IGF2R: variants seen among roughly 807,000 people sequenced by gnomAD.
IGF2R encodes cation-independent mannose-6-phosphate receptor.
Under a neutral mutation model 270.6 loss-of-function variants are expected in IGF2R, and 91 were observed. The ratio of observed to expected loss-of-function variants is 0.34; its 90% CI spans 0.28 to 0.40. IGF2R has a LOEUF of 0.40. IGF2R is among the 10% of genes least tolerant of loss of function. The probability of loss-of-function intolerance (pLI) is 1.00; values close to 1 mark genes in which losing one functional copy is unlikely to be tolerated. For missense variants in IGF2R, 2,805 were observed against 3,188.3 expected, an observed-to-expected ratio of 0.88 and a Z score of 2.90; for synonymous variants, 1,316 against 1,258.9, an observed-to-expected ratio of 1.05 and a Z score of -0.96.
At chr6:159,975,680 A>ATATATT (rs1313221329) in intron 1 of IGF2R, among the ~76,000 whole-genome samples, 22 of 128,692 alleles carry the variant, frequency 1.7e-4, no homozygotes, top group African/African-American at 6.9e-4. Flanking sequence ...TGTATTATAT[A>ATATATT]TATTTATATA....
Position 160,102,399 on chromosome 6 carries a change from G to A in IGF2R, c.6843-120G>A. 9.0e-7 allele frequency: 1 copy of A among 1,107,796 alleles called. No homozygotes were observed. The highest frequency in any genetic ancestry group is 1.5e-5 in the South Asian group (1 of 67,390). 68.6% of individuals were successfully genotyped at this position (1,107,796 alleles called of 1,614,324 possible). A position where few individuals can be genotyped will look rare whatever the true frequency, so the allele number is the denominator to read the frequency against. ...GGCCTTGTTTTCTGGGCAGGAGTAA[G>A]AATCACATGGTGTTGGGAAAGTCAG... On this transcript the variant is annotated intron_variant, in intron 45 of 47. Transcript: ENST00000356956. This position sits in a 1 kb window ranked among gnomAD's most constrained non-coding sequence, Gnocchi z 4.5.
chr6:160,094,394 A>C, intron 44 of IGF2R: 1 of 214,472 alleles, frequency 4.7e-6, no homozygotes, highest in Non-Finnish European at 9.4e-6. Flanking sequence ...GTCTGCCAGC[A>C]TGCTTCTCCA....
In IGF2R at chr6:160,047,294, T is replaced by C. The variant is rs1015172793; in HGVS notation, c.2187T>C (p.Phe729=). 3 of 1,609,910 alleles carry C rather than the reference T, an allele frequency of 1.9e-6. No individual in the cohort carries two copies. Among genetic ancestry groups the C allele is most frequent in the South Asian group, 1.1e-5 (1 of 90,862 alleles). The change falls in exon 16 of 48, where the codon TTT becomes TTC. Residue 729 remains phenylalanine, a synonymous_variant. Coordinates refer to ENST00000356956, the MANE Select transcript of IGF2R (RefSeq NM_000876.4). ...CACCGAGAGCTACGCTCATCACCTT[T>C]CTCTGTGATCGAGACGCGGGAGTGG... ...RHTPRATLIT[F]LCDRDAGVGF...
intron 44 of IGF2R, chr6:160,095,598 A>G (rs1377852642): frequency 6.6e-6 from 1 of 152,242 alleles, no homozygotes; most frequent in African/African-American, 2.4e-5. Context: ...CTCCTTGTGT[A>G]GACCACTGCT....
chr6:160,103,880 G>C, intron 47 of IGF2R, 65 bp downstream of exon 47: 1 of 1,118,602 alleles, frequency 8.9e-7, no homozygotes, highest in Non-Finnish European at 1.4e-6. Flanking sequence ...CGCTGTCCAT[G>C]TCGTTCTCAT....
intron 21 of IGF2R, 93 bp from the exon 22 acceptor site, chr6:160,058,813 A>T: frequency 9.2e-7 from 1 of 1,091,864 alleles, no homozygotes; most frequent in Non-Finnish European, 1.3e-6. Flanking sequence ...AGAAATGTTT[A>T]ACCTAGTGGG....
Position 160,047,244 on chromosome 6 carries a change from A to G in IGF2R, c.2137A>G (p.Thr713Ala), listed in dbSNP as rs547601296. 6.2e-7 allele frequency: 1 copy of G among 1,614,002 alleles called. No homozygotes were observed. Among genetic ancestry groups the G allele is most frequent in the Admixed American group, 1.7e-5 (1 of 60,028 alleles). Residue 713 changes from threonine (T) to alanine (A), a missense_variant, in exon 16 of 48, where the codon ACA becomes GCA. By Grantham distance (58) the Thr-to-Ala change is moderately conservative. Around this residue, in one of 2 missense-constraint regions of IGF2R, gnomAD observed 954 missense variants for 981.1 expected, o/e 0.97. Transcript: ENST00000356956. The part of the protein sequence containing the change: ...GMIQLNYRGG[T>A]PYNNERHTPR... ...GATCCAACTGAACTACAGAGGCGGC[A>G]CACCCTATAACAATGAAAGACACAC...
chr6:160,024,402 G>A (rs1777507694), intron 4 of IGF2R, among the ~76,000 whole-genome samples, 170 bp from the exon 5 acceptor site: 1 of 152,170 alleles, frequency 6.6e-6, no homozygotes, highest in South Asian at 2.1e-4. Context: ...CGAAAAGAAC[G>A]CAGAGGAGCC....
At chr6:160,011,214 T>C (rs1784328130) in intron 4 of IGF2R, among the ~76,000 whole-genome samples, 1 of 152,218 alleles carries the variant, frequency 6.6e-6, no homozygotes. Context: ...TAAGTCTCCT[T>C]TACCTGTTTG....
At position 160,084,128 on chromosome 6, in the gene IGF2R, C is replaced by T. The variant is rs147800896; in HGVS notation, c.6012C>T (p.Asp2004=). ...TCGTCCAGAAACACAAAACCTACGACCTGCGGCTGCTCTCCTCTCTCACCG... is the reference window on the plus strand; with the variant it reads ...TCGTCCAGAAACACAAAACCTACGATCTGCGGCTGCTCTCCTCTCTCACCG... ...CKFVQKHKTY[D]LRLLSSLTGS... The change falls in exon 40 of 48, where the codon GAC becomes GAT. Residue 2004 remains aspartate, a synonymous_variant. Transcript: ENST00000356956. This position sits in a 1 kb window ranked among gnomAD's most constrained non-coding sequence, Gnocchi z 4.6. The T allele has an allele frequency of 7.0e-4, 1,133 of 1,614,172 alleles. 8 individuals are homozygous for T. The African/African-American group carries it at 0.013, about 19-fold the overall frequency.
At position 160,084,854 on chromosome 6, in the gene IGF2R, A is replaced by G. The variant is rs1369412176; in HGVS notation, c.6069-141A>G. On this transcript the variant is annotated intron_variant, in intron 40 of 47. Coordinates refer to ENST00000356956, the MANE Select transcript of IGF2R (RefSeq NM_000876.4). The surrounding 1 kb of genome is among the most constrained non-coding windows in gnomAD (Gnocchi z 4.6). Reference sequence around the variant, plus strand: ...CTTTTTTTTTTTAATTGGAAAAGCTATTTTAGTGCTACATTCAGTGATGGA... The same window carrying G: ...CTTTTTTTTTTTAATTGGAAAAGCTGTTTTAGTGCTACATTCAGTGATGGA... 1.7e-5 allele frequency: 13 copies of G among 763,856 alleles called. No homozygotes were observed. The highest frequency in any genetic ancestry group is 2.6e-5 in the East Asian group (1 of 39,160). The allele number at this position is 763,856 out of a possible 1,614,324, so 47.3% of individuals were successfully genotyped here.
intron 5 of IGF2R, among the ~76,000 whole-genome samples, chr6:160,025,115 C>T (rs1219764111): frequency 6.6e-6 from 1 of 152,310 alleles, no homozygotes; most frequent in East Asian, 1.9e-4. Flanking sequence ...TTGGCCCAAG[C>T]TGACTTGTTC....
intron 7 of IGF2R, among the ~76,000 whole-genome samples, chr6:160,031,039 G>A (rs2115231150): frequency 6.6e-6 from 1 of 152,200 alleles, no homozygotes; most frequent in East Asian, 1.9e-4. Context: ...ACAGGGCTTT[G>A]CTATGTTGCC....
chr6:159,983,330 T>TA (rs1232017138), intron 1 of IGF2R, among the ~76,000 whole-genome samples: 1 of 152,204 alleles, frequency 6.6e-6, no homozygotes, highest in Non-Finnish European at 1.5e-5. Flanking sequence ...TGTGCTTCCT[T>TA]CTAATTGGTA....
At chr6:160,060,761 A>G in intron 23 of IGF2R, 44 bp downstream of exon 23, 1 of 1,594,218 alleles carries the variant, frequency 6.3e-7, no homozygotes, top group South Asian at 1.1e-5. Flanking sequence ...GTCAAGAGTC[A>G]GTGTGTGTGT....
chr6:159,969,454 TG>T (rs1783573874), intron 1 of IGF2R, 59 bp downstream of exon 1: 1 of 1,138,036 alleles, frequency 8.8e-7, no homozygotes, highest in Non-Finnish European at 1.1e-6. Context: ...GCGGCCGGCG[TG>T]GGGGGCGGGG....
intron 20 of IGF2R, among the ~76,000 whole-genome samples, chr6:160,057,426 C>A (rs777656637): frequency 7.9e-5 from 12 of 152,218 alleles, no homozygotes; most frequent in Non-Finnish European, 1.3e-4. Flanking sequence ...GAGACCAAGG[C>A]TTTTCCAAAC....
intron 45 of IGF2R, among the ~76,000 whole-genome samples, chr6:160,097,894 G>C (rs964451929): frequency 2.0e-5 from 3 of 152,172 alleles, no homozygotes; most frequent in Admixed American, 6.5e-5. Context: ...TGTGTACTTA[G>C]GGATCCTCAG....
In IGF2R at chr6:160,033,497, C is replaced by G. The variant is rs183182285; in HGVS notation, c.1211+390C>G. Among the ~76,000 whole-genome samples the G allele has an allele frequency of 1.3e-3, 200 of 151,300 alleles. 1 individual carries two copies. Among genetic ancestry groups the G allele is most frequent in the Middle Eastern group, 6.9e-3 (2 of 288 alleles). The stretch of plus-strand genomic sequence containing the variant: ...AACATAACTCCCTCTCCTTTTCTTC[C>G]TCTTTCCATTTTCCGTAAGGTACGG... On this transcript the variant is annotated intron_variant, in intron 9 of 47. Coordinates refer to ENST00000356956, the MANE Select transcript of IGF2R (RefSeq NM_000876.4).
Sources: gnomAD v4.1 joint callset for allele counts (sites outside exome capture counted in the v4.1 genomes callset) on GRCh38, gnomAD v4.1.1 for gene constraint, gnomAD v4.1.1 regional missense constraint, Gnocchi (gnomAD v3.1) non-coding constraint, MANE v1.5 for transcripts, NCBI Gene and HGNC (gene_info 2026-07-23, HGNC 2026-07-21) for gene names.